Variants in ZNF679 observed in about 807,000 individuals in gnomAD.
ZNF679 encodes the protein hypothetical protein MGC42415.
A neutral mutation model predicts 13.4 loss-of-function variants in ZNF679; 10 were observed. The ratio of observed to expected loss-of-function variants is 0.75; its 90% CI spans 0.46 to 1.27. ZNF679 has a LOEUF of 1.27. ZNF679 is among the 50% of genes most tolerant of loss of function. ZNF679 has a pLI of 0.00. For synonymous variants in ZNF679, 179 were observed against 162.5 expected (o/e 1.10, Z -0.77); for missense variants, 525 against 477.8 (o/e 1.10, Z -0.92).
In ZNF679 at chr7:64,266,395, C is replaced by G. The variant is rs774276105; in HGVS notation, c.762C>G (p.Thr254=). ...ECGKAFTWSS[T]LTKHRRIHTG... is the part of the protein sequence containing the mutation. Reference sequence around the variant, plus strand: ...GCAAAGCTTTTACCTGGTCCTCAACCCTTACTAAACATAGGAGAATTCATA... The same window carrying G: ...GCAAAGCTTTTACCTGGTCCTCAACGCTTACTAAACATAGGAGAATTCATA... Residue 254 remains threonine, a synonymous_variant, in exon 5 of 5, where the codon ACC becomes ACG. Transcript: ENST00000421025. 4 of 1,612,442 alleles carry G rather than the reference C, an allele frequency of 2.5e-6. No homozygotes were observed. The South Asian group carries it at 3.3e-5, about 13-fold the overall frequency.
At position 64,264,751 on chromosome 7, in the gene ZNF679, A is replaced by G. The variant is rs185334617; in HGVS notation, c.263-1145A>G. Among the ~76,000 whole-genome samples the G allele has an allele frequency of 3.9e-5, 6 of 152,236 alleles. No individual in the cohort carries two copies. In the East Asian group the frequency reaches 1.2e-3, roughly 29 times the overall value. ...ATGTGTCAGAGGACTATGCTTATAA[A>G]TAATACCTCACTTTTATCTTATAGC... On this transcript the variant is annotated intron_variant, in intron 4 of 4. Transcript: ENST00000421025.
chr7:64,266,015 T>C lies in ZNF679; in HGVS notation c.382T>C (p.Cys128Arg), dbSNP rs1192700581. 2 of 1,613,522 alleles carry C rather than the reference T, an allele frequency of 1.2e-6. No individual in the cohort carries two copies. Among genetic ancestry groups the C allele is most frequent in the Non-Finnish European group, 1.7e-6 (2 of 1,179,736 alleles). Residue 128 changes from cysteine to arginine, a missense_variant, in exon 5 of 5, where the codon TGT becomes CGT. Transcript: ENST00000421025. ...SGHDNLQVKT[C>R]KSMGECEVQK... ...ACATGACAATTTACAAGTAAAAACA[T>C]GTAAAAGCATGGGTGAGTGTGAGGT...
At chr7:64,235,572 T>C (rs1366523839) in intron 1 of ZNF679, among the ~76,000 whole-genome samples, 2 of 151,724 alleles carry the variant, frequency 1.3e-5, no homozygotes, top group African/African-American at 4.8e-5. Flanking sequence ...GTGGATCACC[T>C]AAGGTCAGGA....
intron 1 of ZNF679, among the ~76,000 whole-genome samples, chr7:64,229,239 C>T (rs1414621951): frequency 1.3e-5 from 2 of 151,984 alleles, no homozygotes; most frequent in Admixed American, 6.6e-5. Context: ...TACAAAGTTG[C>T]GTACAGTATA....
chr7:64,238,214 G>A (rs776389491), intron 1 of ZNF679, among the ~76,000 whole-genome samples: 1 of 152,048 alleles, frequency 6.6e-6, no homozygotes, highest in Non-Finnish European at 1.5e-5. Flanking sequence ...TCCCTCCCAA[G>A]AACAGGCTGA....
At chr7:64,248,016 G>C (rs76028721) in intron 1 of ZNF679, among the ~76,000 whole-genome samples, 3 of 151,940 alleles carry the variant, frequency 2.0e-5, no homozygotes, top group South Asian at 2.1e-4. Flanking sequence ...CTCAGACTGC[G>C]TACTTTTTTT....
At chr7:64,260,000 T>A (rs1260316965) in intron 2 of ZNF679, among the ~76,000 whole-genome samples, 3 of 152,088 alleles carry the variant, frequency 2.0e-5, no homozygotes, top group African/African-American at 7.2e-5. Flanking sequence ...AATTTAATAA[T>A]TTATCATCCA....
intron 2 of ZNF679, among the ~76,000 whole-genome samples, chr7:64,249,960 G>T (rs1787923202): frequency 6.6e-6 from 1 of 152,096 alleles, no homozygotes; most frequent in Non-Finnish European, 1.5e-5. Flanking sequence ...TCACGCCTCA[G>T]GCTCCCAAGT....
In ZNF679 at chr7:64,266,897, A is replaced by G; in HGVS notation, c.*28A>G. On this transcript the variant is annotated 3_prime_UTR_variant, in exon 5 of 5. Coordinates refer to ENST00000421025, the MANE Select transcript of ZNF679 (RefSeq NM_153363.3). ...TGATAAAGTCCAGCCTTCAGACCTT[A>G]TAATACATAAAATAATTTATACTTG... The G allele has an allele frequency of 1.3e-6, 2 of 1,491,398 alleles. No individual in the cohort carries two copies. Among genetic ancestry groups the G allele is most frequent in the Non-Finnish European group, 1.8e-6 (2 of 1,124,252 alleles). 92.4% of individuals were successfully genotyped at this position (1,491,398 alleles called of 1,614,324 possible). A position where few individuals can be genotyped will look rare whatever the true frequency, so the allele number is the denominator to read the frequency against.
intron 1 of ZNF679, among the ~76,000 whole-genome samples, chr7:64,243,582 G>A (rs756386490): frequency 1.3e-5 from 2 of 152,130 alleles, no homozygotes; most frequent in African/African-American, 2.4e-5. Flanking sequence ...TAACCCCTGT[G>A]GACTGGCCCA....
intron 4 of ZNF679, among the ~76,000 whole-genome samples, chr7:64,264,682 A>T (rs1350208097): frequency 1.3e-5 from 2 of 151,868 alleles, no homozygotes; most frequent in Admixed American, 6.6e-5. Flanking sequence ...CACTTTGACC[A>T]TTGTACACAG....
At chr7:64,230,855 G>A (rs1372070391) in intron 1 of ZNF679, among the ~76,000 whole-genome samples, 3 of 152,152 alleles carry the variant, frequency 2.0e-5, no homozygotes, top group Non-Finnish European at 4.4e-5. Flanking sequence ...ACCTTTTCCT[G>A]GTAGAATAGT....
chr7:64,254,505 C>T (rs1177215085), intron 2 of ZNF679, among the ~76,000 whole-genome samples: 1 of 151,652 alleles, frequency 6.6e-6, no homozygotes. Flanking sequence ...TACATCTTTT[C>T]CATTTCACTG....
intron 1 of ZNF679, among the ~76,000 whole-genome samples, chr7:64,247,322 T>C (rs1053276475): frequency 1.3e-5 from 2 of 152,158 alleles, no homozygotes; most frequent in African/African-American, 4.8e-5. Context: ...ACCCAGCACC[T>C]ATTCCAGATG....
intron 1 of ZNF679, among the ~76,000 whole-genome samples, chr7:64,232,485 A>ATATGTCAATCCCATCAGTGGGCAGG (rs1787653137): frequency 6.6e-6 from 1 of 152,188 alleles, no homozygotes; most frequent in Non-Finnish European, 1.5e-5. Flanking sequence ...GGGCCTAGAT[A>ATATGTCAATCCCATCAGTGGGCAGG]TATGTCAATC....
intron 2 of ZNF679, among the ~76,000 whole-genome samples, chr7:64,256,691 G>A (rs577919440): frequency 7.7e-5 from 11 of 142,430 alleles, no homozygotes; most frequent in East Asian, 4.1e-4. Context: ...TTCTGGTTTC[G>A]TTGAACTTTT....
chr7:64,242,254 C>T (rs770888814), intron 1 of ZNF679, among the ~76,000 whole-genome samples: 1 of 152,178 alleles, frequency 6.6e-6, no homozygotes, highest in African/African-American at 2.4e-5. Context: ...GAGAGGGTGA[C>T]AATTCTTACT....
intron 1 of ZNF679, among the ~76,000 whole-genome samples, chr7:64,228,913 C>T (rs904174389): frequency 3.9e-5 from 6 of 152,294 alleles, no homozygotes; most frequent in African/African-American, 1.4e-4. Context: ...AGTGACCATC[C>T]TTATTGTTGG....
At chr7:64,229,283 AT>A (rs977695672) in intron 1 of ZNF679, among the ~76,000 whole-genome samples, 2 of 152,016 alleles carry the variant, frequency 1.3e-5, no homozygotes, top group Admixed American at 6.6e-5. Context: ...GAGTGTTGTG[AT>A]TTTTTTGTGA....
Sources: gnomAD v4.1 joint callset for allele counts (sites outside exome capture counted in the v4.1 genomes callset) on GRCh38, gnomAD v4.1.1 for gene constraint, MANE v1.5 for transcripts, NCBI Gene and HGNC (gene_info 2026-07-23, HGNC 2026-07-21) for gene names.